Variants in SNX29 observed in about 807,000 individuals in gnomAD.
The protein encoded by SNX29 is sorting nexin 29, also known as sorting nexin-29.
In SNX29, 78 loss-of-function variants were observed where a neutral mutation model predicts 102.1. That is an observed-to-expected ratio of 0.76 (90% CI 0.64 to 0.92). SNX29 has a LOEUF of 0.92. SNX29 is among the 40% of genes least tolerant of loss of function. SNX29 has a pLI of 0.00. For synonymous variants in SNX29, 580 were observed against 414.5 expected, an observed-to-expected ratio of 1.40 and a Z score of -4.85; for missense variants, 1,280 against 1,061.7, an observed-to-expected ratio of 1.21 and a Z score of -2.86.
At chr16:12,046,505 G>C (rs543563676) in intron 6 of SNX29, 51 bp downstream of exon 6, 2 of 1,578,874 alleles carry the variant, frequency 1.3e-6, no homozygotes, top group Non-Finnish European at 1.7e-6. Flanking sequence ...TTGGCAGAGG[G>C]GCTGCCTTGG....
intron 15 of SNX29, among the ~76,000 whole-genome samples, chr16:12,324,021 C>G (rs917678975): frequency 7.9e-5 from 12 of 151,430 alleles, no homozygotes; most frequent in Admixed American, 7.9e-4. Flanking sequence ...GACGTACTCC[C>G]TCAATTTATC....
chr16:12,486,132 C>G (rs2088218050), intron 19 of SNX29, among the ~76,000 whole-genome samples: 1 of 152,190 alleles, frequency 6.6e-6, no homozygotes, highest in Non-Finnish European at 1.5e-5. Flanking sequence ...TTAGAGGCTG[C>G]TTGCATTTCT....
chr16:12,379,881 A>C (rs2083010618), intron 16 of SNX29, among the ~76,000 whole-genome samples: 1 of 152,136 alleles, frequency 6.6e-6, no homozygotes, highest in Admixed American at 6.5e-5. Flanking sequence ...GATGGGAGGC[A>C]CTGGTGTGTG....
At chr16:12,025,216 C>T (rs901590758) in intron 3 of SNX29, among the ~76,000 whole-genome samples, 8 of 143,196 alleles carry the variant, frequency 5.6e-5, no homozygotes, top group South Asian at 2.1e-4. Context: ...GCAGGAGAAT[C>T]GCTTGGACCT....
intron 15 of SNX29, among the ~76,000 whole-genome samples, chr16:12,290,221 C>G (rs1394707809): frequency 6.6e-6 from 1 of 152,184 alleles, no homozygotes; most frequent in Non-Finnish European, 1.5e-5. Flanking sequence ...TCTTGCCTTC[C>G]TCTTCAGTCA....
chr16:12,270,450 T>C (rs2079056842), intron 14 of SNX29, among the ~76,000 whole-genome samples: 1 of 152,140 alleles, frequency 6.6e-6, no homozygotes, highest in Non-Finnish European at 1.5e-5. Flanking sequence ...CCAAGGCAAA[T>C]TGAACCTTCT....
chr16:12,039,974 G>A (rs1167450904), intron 4 of SNX29, among the ~76,000 whole-genome samples: 3 of 152,174 alleles, frequency 2.0e-5, no homozygotes, highest in Admixed American at 6.5e-5. Context: ...TGTTGCTGCT[G>A]TTATTATTAC....
At chr16:12,190,754 C>A (rs1049976290) in intron 13 of SNX29, among the ~76,000 whole-genome samples, 2 of 152,106 alleles carry the variant, frequency 1.3e-5, no homozygotes, top group Non-Finnish European at 2.9e-5. Flanking sequence ...GCCCTGACAG[C>A]TGCAAGAGGA....
chr16:12,526,865 T>C (rs1478682583), intron 20 of SNX29: 6 of 403,284 alleles, frequency 1.5e-5, no homozygotes, highest in Non-Finnish European at 2.8e-5. Flanking sequence ...AAGTGCACGT[T>C]AATGCGAGCC....
At chr16:12,515,857 C>A (rs1267251781) in intron 19 of SNX29, among the ~76,000 whole-genome samples, 1 of 152,098 alleles carries the variant, frequency 6.6e-6, no homozygotes, top group Non-Finnish European at 1.5e-5. Context: ...TGCCAGTAAC[C>A]AGCCTGGGCG....
chr16:12,557,165 C>G (rs1166483751), intron 20 of SNX29, among the ~76,000 whole-genome samples: 2 of 152,082 alleles, frequency 1.3e-5, no homozygotes, highest in South Asian at 2.1e-4. Flanking sequence ...TCCATTTTGG[C>G]TATGTTCAAG....
At chr16:12,242,215 G>A (rs537467047) in intron 14 of SNX29, among the ~76,000 whole-genome samples, 11 of 151,924 alleles carry the variant, frequency 7.2e-5, no homozygotes, top group African/African-American at 9.7e-5. Flanking sequence ...GCTTGTGAGC[G>A]GTGGACTACA....
chr16:12,440,026 G>T (rs993740394), intron 18 of SNX29, among the ~76,000 whole-genome samples: 3 of 152,202 alleles, frequency 2.0e-5, no homozygotes, highest in Non-Finnish European at 4.4e-5. Context: ...CCTTGGGCCA[G>T]CCTCGCCTCT....
intron 18 of SNX29, among the ~76,000 whole-genome samples, chr16:12,425,539 AAAAAATAAAAAAAAT>A (rs1406242362): frequency 1.3e-5 from 1 of 78,932 alleles, no homozygotes; most frequent in Non-Finnish European, 3.8e-5. Context: ...TAAAAAAAAA[AAAAAATAAAAAAAAT>A]AAAAAGAGGG....
At chr16:12,558,297 A>G (rs955924272) in intron 20 of SNX29, among the ~76,000 whole-genome samples, 2 of 152,118 alleles carry the variant, frequency 1.3e-5, no homozygotes, top group Admixed American at 6.6e-5. Context: ...GAAACGCGAG[A>G]TGGCCCCTGG....
intron 11 of SNX29, among the ~76,000 whole-genome samples, chr16:12,095,851 C>G (rs1403213305): frequency 6.6e-6 from 1 of 152,190 alleles, no homozygotes; most frequent in Admixed American, 6.5e-5. Flanking sequence ...CCTTACTTGT[C>G]AATAGGCTGT....
In SNX29 at chr16:12,365,113, CTT is replaced by C. The variant is rs375659916; in HGVS notation, c.1899+8837_1899+8838del. Among the ~76,000 whole-genome samples, 420 of 152,250 alleles carry C rather than the reference CTT, an allele frequency of 2.8e-3. 1 individual carries two copies. Among genetic ancestry groups the C allele is most frequent in the African/African-American group, 9.6e-3 (400 of 41,550 alleles). ...AGCACCTGAATGTAAACCCAGGACT[CTT>C]TTGTTCCATACCACCACACTGCTCA... On this transcript the variant is annotated intron_variant, in intron 16 of 20. Coordinates refer to ENST00000566228, the MANE Select transcript of SNX29 (RefSeq NM_032167.5).
At chr16:12,397,690 TACC>T (rs2083770346) in intron 16 of SNX29, among the ~76,000 whole-genome samples, 1 of 152,230 alleles carries the variant, frequency 6.6e-6, no homozygotes, top group South Asian at 2.1e-4. Flanking sequence ...ATTGAACATC[TACC>T]ACTACTGGGC....
At chr16:12,546,397 G>A (rs1396009949) in intron 20 of SNX29, 1 of 145,078 alleles carries the variant, frequency 6.9e-6, no homozygotes, top group Non-Finnish European at 1.6e-5. Context: ...CAAGGAGCAA[G>A]TCACTTCTTA....
Sources: allele counts gnomAD v4.1 joint callset (sites outside exome capture counted in the v4.1 genomes callset), GRCh38; gene constraint gnomAD v4.1.1; transcripts MANE v1.5; gene names NCBI Gene and HGNC (gene_info 2026-07-23, HGNC 2026-07-21).